Variants in THADA observed in about 807,000 individuals in gnomAD.
THADA encodes tRNA (32-2'-O)-methyltransferase regulator THADA.
A neutral mutation model predicts 219.8 loss-of-function variants in THADA; 213 were observed. The observed-to-expected ratio is 0.97, with a 90% CI of 0.87 to 1.09. The LOEUF (loss-of-function observed/expected upper bound fraction) is 1.09, where lower values mean the gene tolerates loss of function less well. Ranked by LOEUF, THADA falls within the 50% of genes least tolerant of loss-of-function variation. The pLI, the probability that THADA is intolerant of heterozygous loss-of-function variation, is 0.00. For synonymous variants in THADA, 1,018 were observed against 828.9 expected (o/e 1.23, Z -3.92); for missense variants, 2,956 against 2,311.3 (o/e 1.28, Z -5.72).
intron 36 of THADA, among the ~76,000 whole-genome samples, chr2:43,279,102 T>A (rs1673049920): frequency 2.0e-5 from 3 of 152,154 alleles, no homozygotes; most frequent in African/African-American, 7.2e-5. Context: ...AGCAGCCCAT[T>A]TTCTACCCAC....
In THADA at chr2:43,231,275, T is replaced by C. The variant is rs1351297185; in HGVS notation, c.5535A>G (p.Lys1845=). Residue 1845 remains lysine (K), a synonymous_variant, in exon 38 of 38, where the codon AAA becomes AAG. Transcript: ENST00000405975. ...GACAGAAGAGGTGCTTGCAGAGGTA[T>C]TTCACAAAGATCAGGGTCTCGGCCC... ...NFWAETLIFV[K]YLCKHLFCLL... is the part of the protein sequence containing the mutation. 4 of 1,606,440 alleles carry C rather than the reference T, an allele frequency of 2.5e-6. No individual in the cohort carries two copies. Among genetic ancestry groups the C allele is most frequent in the Admixed American group, 1.7e-5 (1 of 57,992 alleles).
chr2:43,284,839 C>G (rs1270505467), intron 35 of THADA, among the ~76,000 whole-genome samples: 1 of 152,180 alleles, frequency 6.6e-6, no homozygotes, highest in East Asian at 1.9e-4. Context: ...CTGCACAAGG[C>G]CTTTGGGAGC....
At chr2:43,593,851 T>G (rs576782950) in intron 1 of THADA, among the ~76,000 whole-genome samples, 1 of 152,184 alleles carries the variant, frequency 6.6e-6, no homozygotes, top group East Asian at 1.9e-4. Context: ...GCCAGGATGG[T>G]CTCGATCTCC....
intron 26 of THADA, among the ~76,000 whole-genome samples, chr2:43,437,971 A>G (rs999441178): frequency 1.3e-5 from 2 of 152,184 alleles, no homozygotes; most frequent in Admixed American, 1.3e-4. Flanking sequence ...GAAAATAAAC[A>G]TAAGTGGTCA....
At chr2:43,247,685 C>T (rs1056178280) in intron 36 of THADA, among the ~76,000 whole-genome samples, 1 of 140,734 alleles carries the variant, frequency 7.1e-6, no homozygotes, top group Non-Finnish European at 1.5e-5. Flanking sequence ...GCTGAGATCG[C>T]GCCACCGCAC....
At chr2:43,508,548 C>A in intron 23 of THADA, 100 bp downstream of exon 23, 1 of 1,175,790 alleles carries the variant, frequency 8.5e-7, no homozygotes, top group Non-Finnish European at 1.2e-6. Flanking sequence ...CAGAAATGTC[C>A]TTTATGTGTA....
intron 29 of THADA, among the ~76,000 whole-genome samples, chr2:43,359,887 T>C (rs1016185840): frequency 6.6e-6 from 1 of 151,618 alleles, no homozygotes; most frequent in Non-Finnish European, 1.5e-5. Context: ...GCTTCCCAAG[T>C]AGTTGGGACT....
chr2:43,311,356 G>A (rs1023319946), intron 31 of THADA, among the ~76,000 whole-genome samples: 2 of 152,184 alleles, frequency 1.3e-5, no homozygotes, highest in African/African-American at 4.8e-5. Flanking sequence ...TAATAAAACA[G>A]ATGGACAGTA....
rs939016341 is a variant in THADA, at chr2:43,590,743, T to C, written c.302+81A>G. On this transcript the variant is annotated intron_variant, in intron 4 of 37. Transcript: ENST00000405975. ...TGTGATCTGTATCAGTTCAGTTTTA[T>C]CAAACCAAGGAAGGAACTTCAGTTA... 2.7e-6 allele frequency: 4 copies of C among 1,500,966 alleles called. No homozygotes were observed. In the African/African-American group the frequency reaches 4.2e-5, roughly 16 times the overall value. 93.0% of individuals were successfully genotyped at this position (1,500,966 alleles called of 1,614,324 possible). A position where few individuals can be genotyped will look rare whatever the true frequency, so the allele number is the denominator to read the frequency against.
chr2:43,293,301 C>T (rs905703562), intron 31 of THADA, 88 bp from the exon 32 acceptor site: 24 of 1,432,434 alleles, frequency 1.7e-5, no homozygotes, highest in East Asian at 4.6e-5. Flanking sequence ...GAATCCACTG[C>T]GTGAGGCCAT....
chr2:43,274,242 A>G (rs954722897), intron 36 of THADA, among the ~76,000 whole-genome samples: 7 of 152,268 alleles, frequency 4.6e-5, no homozygotes, highest in Middle Eastern at 3.4e-3. Context: ...ACAGGCTGCA[A>G]ACTCAGCCTA....
intron 30 of THADA, among the ~76,000 whole-genome samples, chr2:43,334,798 A>G (rs568355023): frequency 1.4e-4 from 21 of 152,258 alleles, no homozygotes; most frequent in African/African-American, 4.8e-4. Flanking sequence ...AAACAAAAAA[A>G]ACACTGGTCC....
intron 26 of THADA, among the ~76,000 whole-genome samples, chr2:43,442,718 G>C (rs1681005536): frequency 1.3e-5 from 2 of 152,144 alleles, no homozygotes; most frequent in African/African-American, 2.4e-5. Flanking sequence ...AGGCTAGAGA[G>C]TAGAAACATG....
chr2:43,452,173 T>G (rs1682430360), intron 26 of THADA, among the ~76,000 whole-genome samples: 1 of 152,164 alleles, frequency 6.6e-6, no homozygotes, highest in African/African-American at 2.4e-5. Context: ...GTGAATAGAC[T>G]AATTTAGCAT....
At chr2:43,250,216 TCAGC>T (rs1669674001) in intron 36 of THADA, among the ~76,000 whole-genome samples, 1 of 152,250 alleles carries the variant, frequency 6.6e-6, no homozygotes, top group African/African-American at 2.4e-5. Context: ...GGACCATTAC[TCAGC>T]CATAAAAAGA....
chr2:43,442,011 C>T (rs1242143895), intron 26 of THADA, among the ~76,000 whole-genome samples: 1 of 152,160 alleles, frequency 6.6e-6, no homozygotes, highest in Non-Finnish European at 1.5e-5. Context: ...CAGGTATTCA[C>T]ATACAATATA....
intron 24 of THADA, among the ~76,000 whole-genome samples, chr2:43,501,307 CAAAAAAAAAAAAAAAAAAAAA>C (rs60448094): frequency 1.3e-4 from 2 of 15,042 alleles, no homozygotes; most frequent in Non-Finnish European, 2.7e-4. Flanking sequence ...ACTCCAACTC[CAAAAAAAAAAAAAAAAAAAAA>C]AAAAAAAAAA....
intron 35 of THADA, among the ~76,000 whole-genome samples, chr2:43,285,354 A>C (rs976475210): frequency 6.6e-6 from 1 of 152,056 alleles, no homozygotes; most frequent in Admixed American, 6.6e-5. Flanking sequence ...ACAGTGAGTG[A>C]GTTCTTATGA....
At position 43,245,172 on chromosome 2, in the gene THADA, C is replaced by CTTTTTTTTTTTTTTTTTTTTTT. The variant is rs200036949; in HGVS notation, c.5297-12291_5297-12290insAAAAAAAAAAAAAAAAAAAAAA. Among the ~76,000 whole-genome samples the CTTTTTTTTTTTTTTTTTTTTTT allele has an allele frequency of 2.2e-4, 23 of 103,090 alleles. 3 individuals carry two copies. The highest frequency in any genetic ancestry group is 6.5e-4 in the African/African-American group (13 of 20,014). The allele number at this position is 103,090 out of a possible 152,430, so 67.6% of individuals were successfully genotyped here. A position where few individuals can be genotyped will look rare whatever the true frequency, so the allele number is the denominator to read the frequency against. ...TACTGGAGCTTCTTTCTTTCTTCTT[C>CTTTTTTTTTTTTTTTTTTTTTT]TTTTTTTTTTTTTTTTTTGAGACGG... On this transcript the variant is annotated intron_variant, in intron 36 of 37. Transcript: ENST00000405975.
Sources: allele counts gnomAD v4.1 joint callset (sites outside exome capture counted in the v4.1 genomes callset), GRCh38; gene constraint gnomAD v4.1.1; transcripts MANE v1.5; gene names NCBI Gene and HGNC (gene_info 2026-07-23, HGNC 2026-07-21).